BICRA: variants seen among roughly 807,000 people sequenced by gnomAD.
BICRA encodes BRD4 interacting chromatin remodeling complex associated protein.
BICRA carries 31 observed loss-of-function variants against 96.9 expected under a neutral mutation model. That is an observed-to-expected ratio of 0.32 (90% CI 0.24 to 0.43). The LOEUF is 0.43. Ranked by LOEUF, BICRA falls within the 20% of genes least tolerant of loss-of-function variation. The probability of loss-of-function intolerance (pLI) is 1.00; values close to 1 mark genes in which losing one functional copy is unlikely to be tolerated. For missense variants in BICRA, 2,283 were observed against 2,190.3 expected (o/e 1.04, Z -0.84); for synonymous variants, 1,350 against 1,071.8 (o/e 1.26, Z -5.07).
intron 1 of BICRA, among the ~76,000 whole-genome samples, chr19:47,631,508 A>G (rs1972221838): frequency 6.6e-6 from 1 of 152,036 alleles, no homozygotes; most frequent in South Asian, 2.1e-4. Context: ...GATTATAGGC[A>G]TGAGCCACCA....
chr19:47,639,138 G>A (rs1475542437), intron 1 of BICRA, among the ~76,000 whole-genome samples: 3 of 151,586 alleles, frequency 2.0e-5, no homozygotes, highest in Admixed American at 1.3e-4. Context: ...TGAGTAGCTG[G>A]GACTACAGGT....
At chr19:47,681,346 G>T (rs1321880478) in intron 6 of BICRA, 70 bp downstream of exon 6, 2 of 1,368,980 alleles carry the variant, frequency 1.5e-6, no homozygotes, top group Non-Finnish European at 2.0e-6. Flanking sequence ...GTCCTGGGGC[G>T]AGGCGCCAAG....
At chr19:47,681,552 AAG>A (rs1404264588) in intron 6 of BICRA, among the ~76,000 whole-genome samples, 1 of 151,780 alleles carries the variant, frequency 6.6e-6, no homozygotes, top group Non-Finnish European at 1.5e-5. Flanking sequence ...CAGACAGACA[AAG>A]AGAGGGACCA....
chr19:47,695,387 C>A lies in BICRA; in HGVS notation c.3099C>A (p.Ala1033=), dbSNP rs765164910. ...CAGGCCTCCCTCCTCTGCTTCCAGCCGAGAACAAGGCTTTTGCCAGCAACC... is the reference window on the plus strand; with the variant it reads ...CAGGCCTCCCTCCTCTGCTTCCAGCAGAGAACAAGGCTTTTGCCAGCAACC... ...AATGLPPLLP[A]ENKAFASNLP... Residue 1033 remains alanine, a synonymous_variant, in exon 10 of 15, where the codon GCC becomes GCA. Coordinates refer to ENST00000594866, the MANE Select transcript of BICRA (RefSeq NM_001394372.1). 2 of 1,556,854 alleles carry A rather than the reference C, an allele frequency of 1.3e-6. No homozygotes were observed. The highest frequency in any genetic ancestry group is 1.2e-5 in the South Asian group (1 of 85,350).
intron 1 of BICRA, among the ~76,000 whole-genome samples, chr19:47,654,009 T>G (rs537916584): frequency 1.1e-3 from 161 of 152,192 alleles, no homozygotes; most frequent in Non-Finnish European, 2.0e-3. Context: ...TGGGCCAGTT[T>G]TTGTGTGGAC....
chr19:47,688,372 G>C (rs1458713528), intron 7 of BICRA, among the ~76,000 whole-genome samples: 1 of 152,142 alleles, frequency 6.6e-6, no homozygotes, highest in East Asian at 1.9e-4. Flanking sequence ...CTTGAGGCTA[G>C]CAGTTGAAGA....
Position 47,679,294 on chromosome 19 carries a change from T to G in BICRA, c.151-27T>G, listed in dbSNP as rs1052597969. On this transcript the variant is annotated intron_variant, in intron 5 of 14. Transcript: ENST00000594866. ...GTAGCCCCTTGCTAACCTCAGCTCT[T>G]TCCTTCCCACCTTTCCCGGCCTGCA... The G allele has an allele frequency of 4.9e-6, 7 of 1,414,700 alleles. No individual in the cohort carries two copies. The African/African-American group carries it at 1.0e-4, about 21-fold the overall frequency. The allele number at this position is 1,414,700 out of a possible 1,614,324, so 87.6% of individuals were successfully genotyped here. A position where few individuals can be genotyped will look rare whatever the true frequency, so the allele number is the denominator to read the frequency against.
intron 5 of BICRA, among the ~76,000 whole-genome samples, chr19:47,677,847 T>A (rs1972965084): frequency 6.6e-6 from 1 of 152,212 alleles, no homozygotes; most frequent in Non-Finnish European, 1.5e-5. Flanking sequence ...TTTCAGAATT[T>A]CGAATTTCTC....
At chr19:47,658,181 G>A (rs1191049721) in intron 1 of BICRA, among the ~76,000 whole-genome samples, 4 of 152,152 alleles carry the variant, frequency 2.6e-5, no homozygotes, top group Admixed American at 6.6e-5. Context: ...TGGCCAAGGA[G>A]CAGGGGTCTG....
chr19:47,685,784 T>TGTGCGC (rs1255367203), intron 7 of BICRA, among the ~76,000 whole-genome samples: 1 of 115,436 alleles, frequency 8.7e-6, no homozygotes, highest in Non-Finnish European at 1.7e-5. Flanking sequence ...TGTGTGTGTG[T>TGTGCGC]GTGCGCGCGC....
chr19:47,609,436 C>T (rs1223990168), intron 1 of BICRA, among the ~76,000 whole-genome samples: 12 of 146,556 alleles, frequency 8.2e-5, no homozygotes, highest in Non-Finnish European at 1.7e-4. Context: ...CCCCCAGCCC[C>T]GCGTCTCTTC....
chr19:47,691,235 T>C (rs868229922), intron 7 of BICRA, among the ~76,000 whole-genome samples: 2 of 152,228 alleles, frequency 1.3e-5, no homozygotes, highest in Non-Finnish European at 2.9e-5. Flanking sequence ...CACACAGCGG[T>C]TGGCTTCCCG....
chr19:47,636,442 C>G (rs1972301555), intron 1 of BICRA, among the ~76,000 whole-genome samples: 1 of 152,178 alleles, frequency 6.6e-6, no homozygotes, highest in Non-Finnish European at 1.5e-5. Flanking sequence ...CTCTTGAGCT[C>G]AAGTGATCCT....
In BICRA at chr19:47,702,558, C is replaced by T; in HGVS notation, c.*143C>T. On this transcript the variant is annotated 3_prime_UTR_variant, in exon 15 of 15. Coordinates refer to ENST00000594866, the MANE Select transcript of BICRA (RefSeq NM_001394372.1). ...AAGTTATTTGAGTCACAAAGGCCTC[C>T]TTCCCTGCCGCCTGCTTCAGCTGGG... The T allele has an allele frequency of 1.0e-6, 1 of 967,824 alleles. No homozygotes were observed. The highest frequency in any genetic ancestry group is 1.4e-6 in the Non-Finnish European group (1 of 703,670). The allele number at this position is 967,824 out of a possible 1,614,324, so 60.0% of individuals were successfully genotyped here.
Position 47,640,015 on chromosome 19 carries a change from A to G in BICRA, c.-107-30428A>G, listed in dbSNP as rs563676447. Among the ~76,000 whole-genome samples the G allele has an allele frequency of 5.1e-4, 77 of 152,294 alleles. 1 individual carries two copies. Among genetic ancestry groups the G allele is most frequent in the African/African-American group, 1.7e-3 (72 of 41,570 alleles). ...TCAGCCTCTTTCACAGTGGCATGGT[A>G]TTCCACTGGAAGGCCCTAACCTCTT... On this transcript the variant is annotated intron_variant, in intron 1 of 14. Coordinates refer to ENST00000594866, the MANE Select transcript of BICRA (RefSeq NM_001394372.1).
At chr19:47,635,103 G>A (rs1346330509) in intron 1 of BICRA, among the ~76,000 whole-genome samples, 3 of 151,998 alleles carry the variant, frequency 2.0e-5, no homozygotes, top group South Asian at 4.1e-4. Context: ...TACATCAAAA[G>A]CAACATAAAT....
chr19:47,649,679 C>A (rs768770564), intron 1 of BICRA, among the ~76,000 whole-genome samples: 2 of 152,062 alleles, frequency 1.3e-5, no homozygotes, highest in Non-Finnish European at 2.9e-5. Context: ...TCGATATGGC[C>A]AATGGTCAGA....
At chr19:47,619,278 C>T (rs1203953127) in intron 1 of BICRA, among the ~76,000 whole-genome samples, 1 of 144,560 alleles carries the variant, frequency 6.9e-6, no homozygotes, top group African/African-American at 2.6e-5. Context: ...GAGATGGGGT[C>T]TCGCTGTTTC....
chr19:47,626,778 A>G (rs1398737712), intron 1 of BICRA, among the ~76,000 whole-genome samples: 6 of 143,312 alleles, frequency 4.2e-5, no homozygotes, highest in Non-Finnish European at 7.5e-5. Flanking sequence ...CTGGAGTGCA[A>G]TGGCGTGATC....
Sources: gnomAD v4.1 joint callset for allele counts (sites outside exome capture counted in the v4.1 genomes callset) on GRCh38, gnomAD v4.1.1 for gene constraint, MANE v1.5 for transcripts, NCBI Gene and HGNC (gene_info 2026-07-23, HGNC 2026-07-21) for gene names.